Variants in RAB31 observed in about 807,000 individuals in gnomAD.
RAB31 encodes ras-related protein Rab-31.
A neutral mutation model predicts 25.6 loss-of-function variants in RAB31; 21 were observed. The observed-to-expected ratio is 0.82, with a 90% CI of 0.58 to 1.18. The LOEUF (loss-of-function observed/expected upper bound fraction) is 1.18, where lower values mean the gene tolerates loss of function less well. Ranked by LOEUF, RAB31 falls within the 50% of genes most tolerant of loss-of-function variation. The pLI, the probability that RAB31 is intolerant of heterozygous loss-of-function variation, is 0.00. For synonymous variants in RAB31, 87 were observed against 84.0 expected, an observed-to-expected ratio of 1.04 and a Z score of -0.20; for missense variants, 196 against 250.1, an observed-to-expected ratio of 0.78 and a Z score of 1.46.
intron 6 of RAB31, among the ~76,000 whole-genome samples, chr18:9,856,786 C>T (rs1013298262): frequency 6.6e-6 from 1 of 152,148 alleles, no homozygotes; most frequent in Non-Finnish European, 1.5e-5. Context: ...TCAGGAGGCT[C>T]CTGAAATATT....
intron 1 of RAB31, among the ~76,000 whole-genome samples, chr18:9,744,188 T>G (rs2068193996): frequency 6.6e-6 from 1 of 152,226 alleles, no homozygotes; most frequent in Non-Finnish European, 1.5e-5. Flanking sequence ...AACTATGCAT[T>G]GTGTAGAGCA....
chr18:9,711,779 T>C (rs1187129640), intron 1 of RAB31, among the ~76,000 whole-genome samples: 1 of 152,218 alleles, frequency 6.6e-6, no homozygotes. Context: ...TAGAATCACT[T>C]TCTGTCGGGT....
At chr18:9,822,031 G>T (rs940835264) in intron 5 of RAB31, among the ~76,000 whole-genome samples, 1 of 152,120 alleles carries the variant, frequency 6.6e-6, no homozygotes, top group Admixed American at 6.6e-5. Context: ...GAATATAATG[G>T]AAAGAATCAC....
chr18:9,796,145 G>A lies in RAB31; in HGVS notation c.201+3910G>A, dbSNP rs376665566. On this transcript the variant is annotated intron_variant, in intron 3 of 6. Coordinates refer to ENST00000578921, the MANE Select transcript of RAB31 (RefSeq NM_006868.4). ...TAAATGAAGTAACATACTAAACATCGTATGTTATCATTCATAAGTGGGAGC... is the reference window on the plus strand; with the variant it reads ...TAAATGAAGTAACATACTAAACATCATATGTTATCATTCATAAGTGGGAGC... Among the ~76,000 whole-genome samples the A allele has an allele frequency of 3.3e-4, 50 of 152,108 alleles. 1 individual carries two copies. Among genetic ancestry groups the A allele is most frequent in the East Asian group, 1.2e-3 (6 of 5,202 alleles).
intron 2 of RAB31, among the ~76,000 whole-genome samples, chr18:9,786,023 C>T (rs1004871052): frequency 4.7e-5 from 7 of 149,258 alleles, no homozygotes; most frequent in Non-Finnish European, 8.9e-5. Flanking sequence ...TGCACTCTAG[C>T]GTGGGCGACA....
At chr18:9,750,575 TG>T (rs2068229942) in intron 1 of RAB31, among the ~76,000 whole-genome samples, 2 of 152,094 alleles carry the variant, frequency 1.3e-5, no homozygotes, top group Admixed American at 1.3e-4. Flanking sequence ...TTACGTGTGG[TG>T]GGCACTGTGG....
At chr18:9,835,510 G>A (rs1230336437) in intron 5 of RAB31, among the ~76,000 whole-genome samples, 1 of 152,170 alleles carries the variant, frequency 6.6e-6, no homozygotes, top group Non-Finnish European at 1.5e-5. Context: ...TAAATCTGTG[G>A]CGAGAACCTG....
intron 1 of RAB31, among the ~76,000 whole-genome samples, chr18:9,760,297 C>T (rs1016349358): frequency 4.6e-5 from 7 of 151,984 alleles, no homozygotes; most frequent in African/African-American, 1.7e-4. Flanking sequence ...CCCAAGCCTC[C>T]CAAGTAGCTG....
intron 1 of RAB31, among the ~76,000 whole-genome samples, chr18:9,771,921 A>G (rs988256679): frequency 2.0e-5 from 3 of 152,254 alleles, no homozygotes; most frequent in African/African-American, 7.2e-5. Flanking sequence ...ATAAAGAGAC[A>G]GTGACTTTGT....
At chr18:9,817,185 C>A (rs1258482929) in intron 5 of RAB31, among the ~76,000 whole-genome samples, 2 of 152,066 alleles carry the variant, frequency 1.3e-5, no homozygotes, top group East Asian at 3.9e-4. Context: ...TAGAGACGAC[C>A]TTTGCTGAGA....
chr18:9,710,018 T>G (rs2068008313), intron 1 of RAB31, among the ~76,000 whole-genome samples: 2 of 152,186 alleles, frequency 1.3e-5, no homozygotes, highest in Admixed American at 6.5e-5. Flanking sequence ...ATTTTTGCCT[T>G]TTTTTCTGCA....
chr18:9,730,584 G>A (rs1271972795), intron 1 of RAB31, among the ~76,000 whole-genome samples: 5 of 152,078 alleles, frequency 3.3e-5, no homozygotes, highest in Admixed American at 2.6e-4. Context: ...CACCACACCC[G>A]GTCCTCACTG....
At chr18:9,794,740 G>A (rs565126231) in intron 3 of RAB31, among the ~76,000 whole-genome samples, 9 of 152,154 alleles carry the variant, frequency 5.9e-5, no homozygotes, top group South Asian at 2.1e-4. Flanking sequence ...ACTTGAACCC[G>A]GGAGGCGGAG....
chr18:9,846,161 A>C (rs2068760807), intron 6 of RAB31, among the ~76,000 whole-genome samples: 1 of 152,316 alleles, frequency 6.6e-6, no homozygotes, highest in South Asian at 2.1e-4. Flanking sequence ...AATTGGATAC[A>C]GGGTTGGCGT....
At position 9,730,888 on chromosome 18, in the gene RAB31, C is replaced by T. The variant is rs146108891; in HGVS notation, c.39+22444C>T. Among the ~76,000 whole-genome samples the T allele has an allele frequency of 1.3e-3, 199 of 152,260 alleles. 2 individuals carry two copies. Among genetic ancestry groups the T allele is most frequent in the African/African-American group, 4.6e-3 (193 of 41,548 alleles). On this transcript the variant is annotated intron_variant, in intron 1 of 6. Transcript: ENST00000578921. ...TTGGGGGAAAGCATCTGCATTTAAG[C>T]TCTGTTCTGGTGGAGAGAGGGAAGA...
intron 1 of RAB31, among the ~76,000 whole-genome samples, chr18:9,741,213 T>C (rs1376116741): frequency 6.6e-6 from 1 of 151,550 alleles, no homozygotes; most frequent in East Asian, 1.9e-4. Context: ...CCGTCTCCAC[T>C]AAAAGCACAA....
At chr18:9,748,682 G>C (rs1380757456) in intron 1 of RAB31, among the ~76,000 whole-genome samples, 1 of 152,010 alleles carries the variant, frequency 6.6e-6, no homozygotes, top group Non-Finnish European at 1.5e-5. Context: ...CACGAGCTCA[G>C]GAGTTCGAGA....
intron 6 of RAB31, among the ~76,000 whole-genome samples, chr18:9,849,147 G>A (rs553266198): frequency 2.6e-4 from 39 of 151,884 alleles, no homozygotes; most frequent in African/African-American, 8.7e-4. Flanking sequence ...TTTTCCTTGG[G>A]TTCTTACACC....
At chr18:9,791,184 T>A (rs2068457714) in intron 2 of RAB31, among the ~76,000 whole-genome samples, 2 of 152,204 alleles carry the variant, frequency 1.3e-5, no homozygotes, top group Admixed American at 1.3e-4. Context: ...TTGCTACTAG[T>A]GTTGGTTTCA....
Sources: gnomAD v4.1 joint callset for allele counts (sites outside exome capture counted in the v4.1 genomes callset) on GRCh38, gnomAD v4.1.1 for gene constraint, MANE v1.5 for transcripts, NCBI Gene and HGNC (gene_info 2026-07-23, HGNC 2026-07-21) for gene names.